The following DGKQ variants were observed in gnomAD, a reference collection of about 807,000 sequenced individuals.
The protein encoded by DGKQ is DAG kinase theta.
DGKQ carries 97 observed loss-of-function variants against 104.2 expected under a neutral mutation model. The ratio of observed to expected loss-of-function variants is 0.93; its 90% CI spans 0.79 to 1.10. The LOEUF is 1.10. Ranked by LOEUF, DGKQ falls within the 50% of genes least tolerant of loss-of-function variation. The pLI is 0.00. For synonymous variants in DGKQ, 736 were observed against 595.2 expected (o/e 1.24, Z -3.44); for missense variants, 1,465 against 1,352.1 (o/e 1.08, Z -1.31).
At chr4:965,897 A>G (rs1476928245) in intron 13 of DGKQ, 31 bp downstream of exon 13, 2 of 1,564,070 alleles carry the variant, frequency 1.3e-6, no homozygotes, top group East Asian at 4.6e-5. Flanking sequence ...GCCCCGTGCC[A>G]GCAGCCCACG....
At position 967,577 on chromosome 4, in the gene DGKQ, G is replaced by C. The variant is rs1184165565; in HGVS notation, c.959C>G (p.Ser320Cys). 5 of 1,612,624 alleles carry C rather than the reference G, an allele frequency of 3.1e-6. No homozygotes were observed. The highest frequency in any genetic ancestry group is 4.2e-6 in the Non-Finnish European group (5 of 1,179,848). Residue 320 changes from serine to cysteine, a missense_variant, in exon 8 of 23, where the codon TCC becomes TGC. Ser to Cys is a moderately radical substitution (Grantham distance 112, BLOSUM62 -1). Transcript: ENST00000273814. ...RRSQFRLVTV[S>C]RLAGAEEVLE... ...CACCTCCTCGGCACCGGCCAGGCGG[G>C]ACACCGTGACGAGGCGGAACTGGCT...
rs936982279 is a variant in DGKQ, at chr4:967,931, C to T, written c.760G>A (p.Gly254Ser). ...AAGCTCTGCGTCTTGCTGAAGCCGCCGGGCAGAAGGCGCACGCACGCGGGA... is the reference window on the plus strand; with the variant it reads ...AAGCTCTGCGTCTTGCTGAAGCCGCTGGGCAGAAGGCGCACGCACGCGGGA... ...LPPACVRLLP[G>S]GFSKTQSFRI... The change falls in exon 6 of 23, where the codon GGC (glycine) becomes AGC (serine). Residue 254 changes from glycine (G) to serine (S), a missense_variant. Coordinates refer to ENST00000273814, the MANE Select transcript of DGKQ (RefSeq NM_001347.4). 10 of 1,472,314 alleles carry T rather than the reference C, an allele frequency of 6.8e-6. No homozygotes were observed. The highest frequency in any genetic ancestry group is 2.5e-5 in the Admixed American group (1 of 39,448). The allele number at this position is 1,472,314 out of a possible 1,614,324, so 91.2% of individuals were successfully genotyped here.
chr4:971,654 G>T lies in DGKQ; in HGVS notation c.272-582C>A, dbSNP rs554130032. On this transcript the variant is annotated intron_variant, in intron 1 of 22. Transcript: ENST00000273814. The surrounding 1 kb of genome is among the most constrained non-coding windows in gnomAD (Gnocchi z 4.0). ...ATAGGACCCAGGGAGCACCTGAGCC[G>T]GCGGGGTGCTCAGGAGGGCATAAGA... Among the ~76,000 whole-genome samples, 1 of 152,102 alleles carries T rather than the reference G, an allele frequency of 6.6e-6. No homozygotes were observed. The highest frequency in any genetic ancestry group is 1.5e-5 in the Non-Finnish European group (1 of 67,998).
Position 959,772 on chromosome 4 carries a change from CTTTTGGTCCCTTCT to C in DGKQ, c.*834_*847del, listed in dbSNP as rs1218916452. The C allele has an allele frequency of 6.6e-6, 1 of 152,276 alleles. No homozygotes were observed. Among genetic ancestry groups the C allele is most frequent in the African/African-American group, 2.4e-5 (1 of 41,458 alleles). 9.4% of individuals were successfully genotyped at this position (152,276 alleles called of 1,614,324 possible). A position where few individuals can be genotyped will look rare whatever the true frequency, so the allele number is the denominator to read the frequency against. ...AACTCCTCTGCACCGCCATGCCCTGCTTTTGGTCCCTTCTGGGTGCTAAGTGCCCCACCCTGAGG... is the reference window on the plus strand; with the variant it reads ...AACTCCTCTGCACCGCCATGCCCTGCGGGTGCTAAGTGCCCCACCCTGAGG... On this transcript the variant is annotated 3_prime_UTR_variant, in exon 23 of 23. Transcript: ENST00000273814.
rs775052983 is a variant in DGKQ, at chr4:968,838, G to A, written c.424C>T (p.Leu142=). The A allele has an allele frequency of 5.0e-6, 8 of 1,611,058 alleles. No homozygotes were observed. The highest frequency in any genetic ancestry group is 6.8e-6 in the Non-Finnish European group (8 of 1,179,256). ...RKFCAVCRKV[L]EAPALHCEVC... The stretch of plus-strand genomic sequence containing the variant: ...TCGCAGTGGAGCGCCGGTGCCTCCA[G>A]GACCTTGCGGCAGACAGCACAGAAC... The change falls in exon 3 of 23, where the codon CTG becomes TTG. Residue 142 remains leucine (L), a synonymous_variant. Transcript: ENST00000273814.
Position 967,216 on chromosome 4 carries a change from C to A in DGKQ, c.1133G>T (p.Gly378Val), listed in dbSNP as rs1409717316. ...GGCCTCTGGCGTGGCCTCGCCGGAC[C>A]CGGGGCTTCTGCCCTCCTCCGAGAT... is the stretch of plus-strand genomic sequence containing the variant. ...AVISEEGRSP[G>V]SGEATPEAWV... Residue 378 changes from glycine (G) to valine (V), a missense_variant, in exon 9 of 23, where the codon GGG (glycine) becomes GTG (valine). Transcript: ENST00000273814. 3 of 1,582,712 alleles carry A rather than the reference C, an allele frequency of 1.9e-6. No individual in the cohort carries two copies. The African/African-American group carries it at 4.0e-5, about 21-fold the overall frequency.
chr4:962,316 A>C, intron 18 of DGKQ, 119 bp downstream of exon 18: 1 of 1,082,786 alleles, frequency 9.2e-7, no homozygotes, highest in Middle Eastern at 3.0e-4. Context: ...CGCTTTGCAG[A>C]GGGGATGATG....
Position 966,968 on chromosome 4 carries a change from C to T in DGKQ, c.1307G>A (p.Arg436His), listed in dbSNP as rs1441610286. The T allele has an allele frequency of 1.0e-5, 16 of 1,561,176 alleles. No individual in the cohort carries two copies. The highest frequency in any genetic ancestry group is 3.8e-5 in the Admixed American group (2 of 53,302). The change falls in exon 10 of 23, where the codon CGC becomes CAC. Residue 436 changes from arginine to histidine, a missense_variant. Physicochemically the swap from Arg to His is conservative, Grantham distance 29. Coordinates refer to ENST00000273814, the MANE Select transcript of DGKQ (RefSeq NM_001347.4). ...VVLEVLPLLG[R>H]QAESPESFQL... Reference sequence around the variant, plus strand: ...GAGCAGGCACAGGGTACGCACCTGGCGGCCGAGCAGCGGCAGGACCTCCAG... The same window carrying T: ...GAGCAGGCACAGGGTACGCACCTGGTGGCCGAGCAGCGGCAGGACCTCCAG...
At chr4:963,041 C>A in intron 16 of DGKQ, 98 bp downstream of exon 16, 1 of 1,486,736 alleles carries the variant, frequency 6.7e-7, no homozygotes, top group Non-Finnish European at 9.0e-7. Context: ...AGCACGGGAT[C>A]CCCGTGGAGC....
intron 5 of DGKQ, 49 bp from the exon 6 acceptor site, chr4:968,076 G>T (rs1033938546): frequency 1.5e-6 from 2 of 1,309,660 alleles, no homozygotes; most frequent in Non-Finnish European, 2.0e-6. Flanking sequence ...GGGTGCGGGG[G>T]CACCAGGTGC....
At chr4:972,946 G>A (rs951105497) in intron 1 of DGKQ, among the ~76,000 whole-genome samples, 36 of 152,326 alleles carry the variant, frequency 2.4e-4, no homozygotes, top group Non-Finnish European at 4.1e-4. Flanking sequence ...CTGAGGTCCC[G>A]CTCGCATCAG....
chr4:969,286 C>T (rs1049838595), intron 2 of DGKQ, among the ~76,000 whole-genome samples: 1 of 152,264 alleles, frequency 6.6e-6, no homozygotes, highest in African/African-American at 2.4e-5. Flanking sequence ...GCCACCCCTT[C>T]CCTCCTTGGG....
chr4:961,066 A>T lies in DGKQ; in HGVS notation c.2710T>A (p.Ser904Thr). The change falls in exon 22 of 23, where the codon TCA becomes ACA. Residue 904 changes from serine (S) to threonine (T), a missense_variant. Coordinates refer to ENST00000273814, the MANE Select transcript of DGKQ (RefSeq NM_001347.4). ...CCACATACCTTAGGGCCAGCAGCTG[A>T]GATGATCATGTGCCCCGGGGCCTGG... ...WVQAPGHMII[S>T]AAGPKVHMLR... 1 of 1,612,180 alleles carries T rather than the reference A, an allele frequency of 6.2e-7. No homozygotes were observed.
Position 971,021 on chromosome 4 carries a change from C to T in DGKQ, c.323G>A (p.Cys108Tyr), listed in dbSNP as rs1267691561. Residue 108 changes from cysteine to tyrosine, a missense_variant, in exon 2 of 23, where the codon TGC becomes TAC. Transcript: ENST00000273814. This position sits in a 1 kb window ranked among gnomAD's most constrained non-coding sequence, Gnocchi z 4.0. The part of the protein sequence containing the change: ...EKCLKHVRIP[C>Y]TSVAPSLVRV... ...GACCAGGCTGGGTGCCACACTCGTG[C>T]ACGGGATCCTCACGTGCTTCAGGCA... 5 of 1,554,698 alleles carry T rather than the reference C, an allele frequency of 3.2e-6. No individual in the cohort carries two copies. Among genetic ancestry groups the T allele is most frequent in the Admixed American group, 1.9e-5 (1 of 51,404 alleles).
Position 963,255 on chromosome 4 carries a change from A to C in DGKQ, c.1770T>G (p.Leu590=), listed in dbSNP as rs1480479595. ...AKLPPDSCPL[L]VFVNPKSGGL... ...CTCCACTCTTGGGGTTCACGAACACAAGGAGGGGACAGCTGTCTGGGGGCA... is the reference window on the plus strand; with the variant it reads ...CTCCACTCTTGGGGTTCACGAACACCAGGAGGGGACAGCTGTCTGGGGGCA... Residue 590 remains leucine, a synonymous_variant, in exon 16 of 23, where the codon CTT becomes CTG. Coordinates refer to ENST00000273814, the MANE Select transcript of DGKQ (RefSeq NM_001347.4). 1 of 1,610,072 alleles carries C rather than the reference A, an allele frequency of 6.2e-7. No homozygotes were observed. Among genetic ancestry groups the C allele is most frequent in the Non-Finnish European group, 8.5e-7 (1 of 1,177,790 alleles).
Position 971,217 on chromosome 4 carries a change from T to G in DGKQ, c.272-145A>C, listed in dbSNP as rs1377452146. 1 of 615,112 alleles carries G rather than the reference T, an allele frequency of 1.6e-6. No individual in the cohort carries two copies. Among genetic ancestry groups the G allele is most frequent in the East Asian group, 2.9e-5 (1 of 34,120 alleles). 38.1% of individuals were successfully genotyped at this position (615,112 alleles called of 1,614,324 possible). A position where few individuals can be genotyped will look rare whatever the true frequency, so the allele number is the denominator to read the frequency against. On this transcript the variant is annotated intron_variant, in intron 1 of 22. Transcript: ENST00000273814. The surrounding 1 kb of genome is among the most constrained non-coding windows in gnomAD (Gnocchi z 4.0). ...TGGTCCTCGAGTTCCCCCACCACCC[T>G]GCCCACTCATTGGAGAGAGCCTGCA...
At position 962,915 on chromosome 4, in the gene DGKQ, T is replaced by A; in HGVS notation, c.1892A>T (p.His631Leu). 1 of 1,607,890 alleles carries A rather than the reference T, an allele frequency of 6.2e-7. No homozygotes were observed. ...LTNGGPLPGLHLFSQVPCFRV... is the reference protein window; with the variant it reads ...LTNGGPLPGLLLFSQVPCFRV... ...GAAGCAGGGCACCTGGGAGAACAGG[T>A]GGAGCCTAGCGGGAGACAGGAAGTG... Residue 631 changes from histidine to leucine, a missense_variant, in exon 17 of 23, where the codon CAC becomes CTC. His to Leu is a moderately conservative substitution (Grantham distance 99, BLOSUM62 -3). Transcript: ENST00000273814.
At chr4:972,620 C>A (rs553943293) in intron 1 of DGKQ, among the ~76,000 whole-genome samples, 1 of 151,096 alleles carries the variant, frequency 6.6e-6, no homozygotes, top group South Asian at 2.6e-4. Flanking sequence ...CCCCCTGTCC[C>A]TCGCTCCCTC....
intron 15 of DGKQ, among the ~76,000 whole-genome samples, chr4:964,729 C>CTGAGGCTCCCGGGCAGGGGGAG (rs1254915237): frequency 6.6e-6 from 1 of 152,208 alleles, no homozygotes; most frequent in Non-Finnish European, 1.5e-5. Context: ...GGGAGTGAGG[C>CTGAGGCTCCCGGGCAGGGGGAG]TGAGGCTGTA....
Sources: gnomAD v4.1 joint callset for allele counts (sites outside exome capture counted in the v4.1 genomes callset) on GRCh38, gnomAD v4.1.1 for gene constraint, Gnocchi (gnomAD v3.1) non-coding constraint, MANE v1.5 for transcripts, NCBI Gene and HGNC (gene_info 2026-07-23, HGNC 2026-07-21) for gene names.